COL5A1: variants seen among roughly 807,000 people sequenced by gnomAD.
COL5A1 encodes collagen alpha-1(V) chain.
Under a neutral mutation model 263.7 loss-of-function variants are expected in COL5A1, and 16 were observed. The ratio of observed to expected loss-of-function variants is 0.06; its 90% CI spans 0.04 to 0.09. The LOEUF (loss-of-function observed/expected upper bound fraction) is 0.09. Ranked by LOEUF, COL5A1 falls within the 10% of genes least tolerant of loss-of-function variation. The pLI is 1.00. For missense variants in COL5A1, 2,036 were observed against 2,540.5 expected (o/e 0.80, Z 4.27); for synonymous variants, 1,012 against 1,004.5 (o/e 1.01, Z -0.14).
At chr9:134,712,607 C>T (rs557943841) in intron 4 of COL5A1, among the ~76,000 whole-genome samples, 1 of 38,072 alleles carries the variant, frequency 2.6e-5, no homozygotes, top group South Asian at 2.0e-3. Context: ...CCTGTTGCCC[C>T]TCCTCCCCTC....
At chr9:134,745,890 C>A (rs952701214) in intron 11 of COL5A1, among the ~76,000 whole-genome samples, 2 of 152,146 alleles carry the variant, frequency 1.3e-5, no homozygotes, top group Non-Finnish European at 2.9e-5. Flanking sequence ...CGTCCTCTGC[C>A]CTTGTAGCTT....
At chr9:134,798,263 C>T (rs573539930) in intron 36 of COL5A1, 145 bp from the exon 37 acceptor site, 43 of 768,754 alleles carry the variant, frequency 5.6e-5, no homozygotes, top group African/African-American at 4.5e-4. Flanking sequence ...TCACTGTCCC[C>T]GTGCCTGCCA....
rs1424098757 is a variant in COL5A1, at chr9:134,738,399, C to T, written c.1390-75C>T. Reference sequence around the variant, plus strand: ...GCCTCTTGTGCATGCAGCTGAAGGCCGTCCACACCACTGGGGTCTGGGGTG... The same window carrying T: ...GCCTCTTGTGCATGCAGCTGAAGGCTGTCCACACCACTGGGGTCTGGGGTG... On this transcript the variant is annotated intron_variant, in intron 9 of 65. Coordinates refer to ENST00000371817, the MANE Select transcript of COL5A1 (RefSeq NM_000093.5). The T allele has an allele frequency of 4.3e-5, 66 of 1,550,114 alleles. 1 individual carries two copies. The highest frequency in any genetic ancestry group is 4.2e-4 in the South Asian group (38 of 89,610).
intron 57 of COL5A1, among the ~76,000 whole-genome samples, chr9:134,819,392 C>T (rs1468779468): frequency 6.6e-6 from 1 of 152,214 alleles, no homozygotes; most frequent in South Asian, 2.1e-4. Flanking sequence ...AGATCCTTTC[C>T]GCAGGAGGTG....
At chr9:134,723,659 C>T (rs1053734202) in intron 4 of COL5A1, among the ~76,000 whole-genome samples, 17 of 152,212 alleles carry the variant, frequency 1.1e-4, no homozygotes, top group African/African-American at 2.7e-4. Context: ...ACCCAGGCAC[C>T]GGACGGACCC....
chr9:134,752,634 C>A lies in COL5A1; in HGVS notation c.1708C>A (p.Pro570Thr), dbSNP rs1173695540. ...TGGCCCGATGGGTCTCACAGGGAGA[C>A]CTGGCCCTGTGGTAAGTCATTGGCA... The part of the protein sequence containing the change: ...PAGPMGLTGR[P>T]GPVGPPGSGG... The change falls in exon 14 of 66, where the codon CCT becomes ACT. Residue 570 changes from proline to threonine, a missense_variant. Pro to Thr is a conservative substitution (Grantham distance 38). Coordinates refer to ENST00000371817, the MANE Select transcript of COL5A1 (RefSeq NM_000093.5). 1 of 1,612,814 alleles carries A rather than the reference C, an allele frequency of 6.2e-7. No homozygotes were observed. The highest frequency in any genetic ancestry group is 8.5e-7 in the Non-Finnish European group (1 of 1,178,984).
At chr9:134,644,028 A>G (rs1831388674) in intron 1 of COL5A1, among the ~76,000 whole-genome samples, 1 of 152,144 alleles carries the variant, frequency 6.6e-6, no homozygotes, top group Non-Finnish European at 1.5e-5. Context: ...GCAGCAGGCT[A>G]TGGAGTTGGA....
chr9:134,705,997 T>A (rs1272596920), intron 4 of COL5A1, among the ~76,000 whole-genome samples: 1 of 152,160 alleles, frequency 6.6e-6, no homozygotes, highest in African/African-American at 2.4e-5. Flanking sequence ...CAGCAGCCCC[T>A]CAGCAAGGTT....
intron 64 of COL5A1, among the ~76,000 whole-genome samples, chr9:134,834,256 G>T (rs982013078): frequency 4.6e-5 from 7 of 152,218 alleles, no homozygotes; most frequent in African/African-American, 1.4e-4. Flanking sequence ...GCGATCGGGT[G>T]CAGAGCTCTG....
chr9:134,820,870 C>T (rs962528023), intron 58 of COL5A1, among the ~76,000 whole-genome samples: 40 of 152,288 alleles, frequency 2.6e-4, no homozygotes, highest in African/African-American at 9.6e-4. Context: ...GTGTGGGAAT[C>T]TTTCCGTCCC....
intron 65 of COL5A1, among the ~76,000 whole-genome samples, chr9:134,839,026 G>A (rs934209987): frequency 2.0e-5 from 3 of 152,242 alleles, no homozygotes; most frequent in Admixed American, 6.5e-5. Context: ...GCTGCTGCAG[G>A]AGGCCCTGAT....
At chr9:134,822,822 C>A in intron 59 of COL5A1, 176 bp from the exon 60 acceptor site, 1 of 762,426 alleles carries the variant, frequency 1.3e-6, no homozygotes, top group Non-Finnish European at 2.2e-6. Flanking sequence ...GGGGTGAGCA[C>A]CAGCCAGGCC....
intron 6 of COL5A1, among the ~76,000 whole-genome samples, chr9:134,729,434 GGTGT>G (rs896541295): frequency 6.6e-6 from 1 of 151,952 alleles, no homozygotes; most frequent in South Asian, 2.1e-4. Context: ...GAGCATGGGC[GGTGT>G]GTGTGTGTGC....
At chr9:134,656,657 C>T (rs529560080) in intron 1 of COL5A1, among the ~76,000 whole-genome samples, 2 of 152,106 alleles carry the variant, frequency 1.3e-5, no homozygotes, top group East Asian at 3.9e-4. Context: ...ATGCCTGCTG[C>T]TTTTATTGGG....
chr9:134,654,660 GT>G (rs1831869468), intron 1 of COL5A1, among the ~76,000 whole-genome samples: 1 of 133,866 alleles, frequency 7.5e-6, no homozygotes, highest in African/African-American at 2.9e-5. Flanking sequence ...TAGGGCTGGT[GT>G]GTGTAGGGCT....
At chr9:134,813,028 G>A (rs1838600217) in intron 48 of COL5A1, among the ~76,000 whole-genome samples, 1 of 152,068 alleles carries the variant, frequency 6.6e-6, no homozygotes, top group Non-Finnish European at 1.5e-5. Flanking sequence ...CAAAGCCCCT[G>A]CCTCCTCCAA....
Position 134,642,111 on chromosome 9 carries a change from G to T in COL5A1, c.-77G>T. On this transcript the variant is annotated 5_prime_UTR_variant, in exon 1 of 66. Coordinates refer to ENST00000371817, the MANE Select transcript of COL5A1 (RefSeq NM_000093.5). This position sits in a 1 kb window ranked among gnomAD's most constrained non-coding sequence, Gnocchi z 4.5. ...GCGGTCCCTGCTGAGTGCGCTGCCC[G>T]GGCCGTGACCCGCGCCCCTGTGCGT... 1 of 1,198,120 alleles carries T rather than the reference G, an allele frequency of 8.3e-7. No homozygotes were observed. The allele number at this position is 1,198,120 out of a possible 1,614,324, so 74.2% of individuals were successfully genotyped here.
chr9:134,642,159 C>T lies in COL5A1; in HGVS notation c.-29C>T, dbSNP rs1261188452. ...CGTCCCCGCGCGCCTCCGAGCGCCCCTGTGCGCCCCGGCCCGCGCCCCGCC... is the reference window on the plus strand; with the variant it reads ...CGTCCCCGCGCGCCTCCGAGCGCCCTTGTGCGCCCCGGCCCGCGCCCCGCC... On this transcript the variant is annotated 5_prime_UTR_variant, in exon 1 of 66. Coordinates refer to ENST00000371817, the MANE Select transcript of COL5A1 (RefSeq NM_000093.5). The surrounding 1 kb of genome is among the most constrained non-coding windows in gnomAD (Gnocchi z 4.5). The T allele has an allele frequency of 4.8e-6, 6 of 1,246,892 alleles. No homozygotes were observed. The highest frequency in any genetic ancestry group is 6.0e-6 in the Non-Finnish European group (6 of 1,001,120). 77.2% of individuals were successfully genotyped at this position (1,246,892 alleles called of 1,614,324 possible).
In COL5A1 at chr9:134,843,855, T is replaced by G. The variant is rs1830171361; in HGVS notation, c.*1552T>G. The G allele has an allele frequency of 6.6e-6, 1 of 152,664 alleles. No individual in the cohort carries two copies. The highest frequency in any genetic ancestry group is 6.5e-5 in the Admixed American group (1 of 15,288). 9.5% of individuals were successfully genotyped at this position (152,664 alleles called of 1,614,324 possible). On this transcript the variant is annotated 3_prime_UTR_variant, in exon 66 of 66. Coordinates refer to ENST00000371817, the MANE Select transcript of COL5A1 (RefSeq NM_000093.5). Reference sequence around the variant, plus strand: ...TCTTTTCCAAGTAGCCTATTTGGATTCCCATCTCAAATGTCCTGGATGCGA... The same window carrying G: ...TCTTTTCCAAGTAGCCTATTTGGATGCCCATCTCAAATGTCCTGGATGCGA...
Sources: allele counts gnomAD v4.1 joint callset (sites outside exome capture counted in the v4.1 genomes callset), GRCh38; gene constraint gnomAD v4.1.1; non-coding constraint Gnocchi (gnomAD v3.1); transcripts MANE v1.5; gene names NCBI Gene and HGNC (gene_info 2026-07-23, HGNC 2026-07-21).